The following SPTA1 variants were observed in gnomAD, a reference collection of about 807,000 sequenced individuals.
SPTA1 encodes spectrin alpha chain, erythrocytic 1.
In SPTA1, 177 loss-of-function variants were observed where a neutral mutation model predicts 324.7. The observed-to-expected ratio is 0.55, with a 90% CI of 0.48 to 0.62. SPTA1 has a LOEUF of 0.62. SPTA1 is among the 20% of genes least tolerant of loss of function. SPTA1 has a pLI of 0.00. For missense variants in SPTA1, 3,162 were observed against 2,883.6 expected, an observed-to-expected ratio of 1.10 and a Z score of -2.21; for synonymous variants, 1,195 against 1,041.3, an observed-to-expected ratio of 1.15 and a Z score of -2.84.
chr1:158,622,773 T>C, intron 43 of SPTA1: 1 of 530,234 alleles, frequency 1.9e-6, no homozygotes, highest in Non-Finnish European at 3.4e-6. Flanking sequence ...CATCTCAAGT[T>C]AGTTATGCAA....
chr1:158,641,028 T>C (rs984843874), intron 33 of SPTA1, among the ~76,000 whole-genome samples: 2 of 152,316 alleles, frequency 1.3e-5, no homozygotes, highest in South Asian at 2.1e-4. Context: ...ATCTGATCTT[T>C]GACAAACCTG....
intron 19 of SPTA1, 57 bp downstream of exon 19, chr1:158,657,420 T>C: frequency 1.3e-6 from 2 of 1,536,236 alleles, no homozygotes. Flanking sequence ...AACCCTAAAT[T>C]GATAATTTGG....
Position 158,620,292 on chromosome 1 carries a change from A to C in SPTA1, c.6295T>G (p.Phe2099Val), listed in dbSNP as rs1267187064. ...LASLARAQAD[F>V]KCLLELDQQI... ...TGGTCTAGCTCCAGCAAACATTTAA[A>C]GTCTGCTTGAGCCCTAGCCAGGGAG... Residue 2099 changes from phenylalanine (F) to valine (V), a missense_variant, in exon 44 of 52, where the codon TTT becomes GTT. Coordinates refer to ENST00000643759, the MANE Select transcript of SPTA1 (RefSeq NM_003126.4). 1.2e-6 allele frequency: 2 copies of C among 1,613,980 alleles called. No individual in the cohort carries two copies. The highest frequency in any genetic ancestry group is 2.7e-5 in the African/African-American group (2 of 74,916).
intron 38 of SPTA1, among the ~76,000 whole-genome samples, chr1:158,635,215 G>A (rs1295886691): frequency 6.6e-6 from 1 of 152,136 alleles, no homozygotes; most frequent in African/African-American, 2.4e-5. Flanking sequence ...CCTGGTGGGA[G>A]GTGATTGGAT....
At chr1:158,683,994 T>A (rs1408041281) in intron 2 of SPTA1, among the ~76,000 whole-genome samples, 1 of 151,972 alleles carries the variant, frequency 6.6e-6, no homozygotes, top group Non-Finnish European at 1.5e-5. Flanking sequence ...CACCACATGC[T>A]ATAATTTTAG....
intron 18 of SPTA1, 72 bp from the exon 19 acceptor site, chr1:158,657,766 C>A: frequency 2.7e-6 from 4 of 1,481,988 alleles, no homozygotes; most frequent in Non-Finnish European, 1.9e-6. Flanking sequence ...CTTTTGGTAC[C>A]TTGGAAAAGA....
chr1:158,643,148 T>A (rs919860406), intron 31 of SPTA1, among the ~76,000 whole-genome samples, 172 bp from the exon 32 acceptor site: 7 of 152,212 alleles, frequency 4.6e-5, no homozygotes, highest in African/African-American at 1.7e-4. Context: ...GTATCTTTCA[T>A]CTTTCATGTC....
Position 158,634,809 on chromosome 1 carries a change from A to G in SPTA1, c.5433-134T>C, listed in dbSNP as rs1040489130. ...GCAGCCACAGTTGAAGTGGGCCTCAACACAGTATAATAGGTGCCTACTGCT... is the reference window on the plus strand; with the variant it reads ...GCAGCCACAGTTGAAGTGGGCCTCAGCACAGTATAATAGGTGCCTACTGCT... On this transcript the variant is annotated intron_variant, in intron 38 of 51. Transcript: ENST00000643759. 6 of 989,282 alleles carry G rather than the reference A, an allele frequency of 6.1e-6. No homozygotes were observed. The Admixed American group carries it at 9.8e-5, about 16-fold the overall frequency. The allele number at this position is 989,282 out of a possible 1,614,324, so 61.3% of individuals were successfully genotyped here.
chr1:158,635,956 A>G lies in SPTA1; in HGVS notation c.5389T>C (p.Phe1797Leu), dbSNP rs1314390951. ...TTGAGCTTCTCCCAGTGTTCAACAA[A>G]CTGAGCCAGCCGCAACTGGATCTCC... ...QEEIQLRLAQ[F>L]VEHWEKLKEL... The change falls in exon 38 of 52, where the codon TTT becomes CTT. Residue 1797 changes from phenylalanine (F) to leucine (L), a missense_variant. Transcript: ENST00000643759. 6.2e-7 allele frequency: 1 copy of G among 1,614,046 alleles called. No individual in the cohort carries two copies. Among genetic ancestry groups the G allele is most frequent in the Middle Eastern group, 1.7e-4 (1 of 6,060 alleles).
At chr1:158,617,646 A>G in intron 46 of SPTA1, 58 bp from the exon 47 acceptor site, 1 of 1,460,760 alleles carries the variant, frequency 6.8e-7, no homozygotes, top group East Asian at 2.3e-5. Context: ...TATTTCATAC[A>G]TGCATACCAA....
Position 158,657,653 on chromosome 1 carries a change from A to C in SPTA1, c.2629T>G (p.Leu877Val), listed in dbSNP as rs780540891. Residue 877 changes from leucine to valine, a missense_variant, in exon 19 of 52, where the codon TTG becomes GTG. By Grantham distance (32) the Leu-to-Val change is conservative. Transcript: ENST00000643759. ...CGGAGAGACTCCATATTCTGGTTCA[A>C]ACTCTTGACCCTAGAGGCCACATCT... is the stretch of plus-strand genomic sequence containing the variant. ...AEDVASRVKS[L>V]NQNMESLRAR... 4.3e-6 allele frequency: 7 copies of C among 1,613,976 alleles called. No homozygotes were observed. The African/African-American group carries it at 8.0e-5, about 18-fold the overall frequency.
intron 44 of SPTA1, 138 bp downstream of exon 44, chr1:158,620,032 A>T: frequency 1.7e-6 from 2 of 1,192,210 alleles, no homozygotes; most frequent in African/African-American, 1.5e-5. Flanking sequence ...AGTTTTTCTT[A>T]GACAGTCATG....
intron 18 of SPTA1, among the ~76,000 whole-genome samples, chr1:158,660,042 A>C (rs1653107455): frequency 1.3e-5 from 2 of 152,182 alleles, no homozygotes; most frequent in Admixed American, 6.5e-5. Flanking sequence ...CAAACACAAA[A>C]CAGCAATTGT....
chr1:158,636,674 C>A lies in SPTA1; in HGVS notation c.5277G>T (p.Glu1759Asp). Residue 1759 changes from glutamate to aspartate, a missense_variant, in exon 37 of 52, where the codon GAG becomes GAT. Glu to Asp is a conservative substitution (Grantham distance 45). Transcript: ENST00000643759. The part of the protein sequence containing the change: ...QNLLKKHKRL[E>D]GELVAHEPAI... ...CAGGCTCATGGGCCACCAGCTCCCC[C>A]TCTAGGCGTTTGTGCTTCTTCAGCA... 2 of 1,614,154 alleles carry A rather than the reference C, an allele frequency of 1.2e-6. No homozygotes were observed. The highest frequency in any genetic ancestry group is 1.7e-6 in the Non-Finnish European group (2 of 1,180,014).
chr1:158,612,561 A>AAT (rs1649324722), intron 51 of SPTA1: 1 of 474,396 alleles, frequency 2.1e-6, no homozygotes, highest in Admixed American at 3.4e-5. Context: ...AATGAGGAAA[A>AAT]AAAAAAGAAA....
chr1:158,657,341 G>A (rs1232895883), intron 19 of SPTA1, 136 bp downstream of exon 19: 7 of 866,276 alleles, frequency 8.1e-6, no homozygotes, highest in Non-Finnish European at 1.1e-5. Flanking sequence ...GCAGATGAAG[G>A]CCAACGGCGA....
Position 158,669,770 on chromosome 1 carries a change from G to T in SPTA1, c.1616C>A (p.Ala539Glu). 5 of 1,614,038 alleles carry T rather than the reference G, an allele frequency of 3.1e-6. No individual in the cohort carries two copies. Among genetic ancestry groups the T allele is most frequent in the Non-Finnish European group, 4.2e-6 (5 of 1,179,952 alleles). Reference protein sequence around the residue: ...EEKIITVDKTATKLIGDDHYD... With the variant: ...EEKIITVDKTETKLIGDDHYD... ...ATGGTCATCACCAATCAATTTGGTT[G>T]CAGTCTTGTCTACAGTCTGAAAAAA... Residue 539 changes from alanine to glutamate, a missense_variant, in exon 13 of 52, where the codon GCA becomes GAA. Ala to Glu is a moderately radical substitution (Grantham distance 107, BLOSUM62 -1). Coordinates refer to ENST00000643759, the MANE Select transcript of SPTA1 (RefSeq NM_003126.4).
At position 158,672,124 on chromosome 1, in the gene SPTA1, A is replaced by G. The variant is rs1654067274; in HGVS notation, c.1423T>C (p.Cys475Arg). 6.2e-7 allele frequency: 1 copy of G among 1,613,994 alleles called. No homozygotes were observed. The change falls in exon 11 of 52, where the codon TGC becomes CGC. Residue 475 changes from cysteine (C) to arginine (R), a missense_variant. By Grantham distance (180) the Cys-to-Arg change is radical (BLOSUM62 -3). Transcript: ENST00000643759. ...WDERHRQYEQ[C>R]LDFHLFYRDS... ...CTGTAGAAGAGATGAAAGTCCAAGC[A>G]CTGCTCATACTGACGATGACGCTCG...
chr1:158,613,682 C>T (rs1399395101), intron 50 of SPTA1, 39 bp downstream of exon 50: 7 of 1,613,132 alleles, frequency 4.3e-6, no homozygotes, highest in Non-Finnish European at 5.9e-6. Flanking sequence ...CTCCAAACCC[C>T]CATCCCTGCT....
Sources: gnomAD v4.1 joint callset for allele counts (sites outside exome capture counted in the v4.1 genomes callset) on GRCh38, gnomAD v4.1.1 for gene constraint, MANE v1.5 for transcripts, NCBI Gene and HGNC (gene_info 2026-07-23, HGNC 2026-07-21) for gene names.